The following ERC2 variants were observed in gnomAD, a reference collection of about 807,000 sequenced individuals.
ERC2 encodes the protein ELKS/RAB6-interacting/CAST family member 2.
In ERC2, 42 loss-of-function variants were observed where a neutral mutation model predicts 114.8. That is an observed-to-expected ratio of 0.37 (90% confidence interval 0.29 to 0.47). The LOEUF (loss-of-function observed/expected upper bound fraction) is 0.47, where lower values mean the gene tolerates loss of function less well. Ranked by LOEUF, ERC2 falls within the 20% of genes least tolerant of loss-of-function variation. ERC2 has a pLI of 0.99. For synonymous variants in ERC2, 454 were observed against 425.5 expected, an observed-to-expected ratio of 1.07 and a Z score of -0.82; for missense variants, 939 against 1,150.7, an observed-to-expected ratio of 0.82 and a Z score of 2.66.
chr3:56,008,382 T>C (rs1248584302), intron 9 of ERC2, among the ~76,000 whole-genome samples: 1 of 152,162 alleles, frequency 6.6e-6, no homozygotes, highest in Admixed American at 6.6e-5. Context: ...CTGAGCATCT[T>C]GTCAAAGATC....
intron 2 of ERC2, among the ~76,000 whole-genome samples, chr3:56,369,556 C>T (rs138088494): frequency 2.4e-3 from 368 of 152,342 alleles, no homozygotes; most frequent in Non-Finnish European, 3.7e-3. Context: ...TACTTGCTAC[C>T]TAGAGGAGAC....
intron 1 of ERC2, among the ~76,000 whole-genome samples, chr3:56,457,973 C>T (rs1052418743): frequency 2.0e-5 from 3 of 152,146 alleles, no homozygotes; most frequent in African/African-American, 7.2e-5. Context: ...TTTGGTGCTC[C>T]ACTGGATACT....
chr3:55,933,419 AT>A (rs1275045078), intron 13 of ERC2, among the ~76,000 whole-genome samples: 1 of 152,212 alleles, frequency 6.6e-6, no homozygotes, highest in African/African-American at 2.4e-5. Context: ...AGCAAACACA[AT>A]TCTTCAGCCA....
chr3:56,329,986 A>G (rs936526247), intron 2 of ERC2, among the ~76,000 whole-genome samples: 2 of 151,674 alleles, frequency 1.3e-5, no homozygotes, highest in African/African-American at 4.8e-5. Context: ...TTTCAAATAT[A>G]CATATATATT....
At chr3:55,799,678 T>G (rs974262770) in intron 14 of ERC2, among the ~76,000 whole-genome samples, 7 of 151,852 alleles carry the variant, frequency 4.6e-5, no homozygotes, top group African/African-American at 7.3e-5. Flanking sequence ...GTGCCATCTC[T>G]CCCATAGTAA....
At chr3:55,543,215 G>A (rs1381956133) in intron 17 of ERC2, among the ~76,000 whole-genome samples, 1 of 152,218 alleles carries the variant, frequency 6.6e-6, no homozygotes, top group African/African-American at 2.4e-5. Flanking sequence ...TGTCTCGGAT[G>A]GGGGCAGCAG....
chr3:55,857,872 C>G (rs1203726411), intron 14 of ERC2, among the ~76,000 whole-genome samples: 1 of 152,094 alleles, frequency 6.6e-6, no homozygotes, highest in Non-Finnish European at 1.5e-5. Context: ...GGTTGGGTAC[C>G]TCTTCACATC....
chr3:56,357,623 C>T (rs1002863024), intron 2 of ERC2, among the ~76,000 whole-genome samples: 2 of 151,828 alleles, frequency 1.3e-5, no homozygotes, highest in Non-Finnish European at 2.9e-5. Flanking sequence ...GTGGGTCTCA[C>T]AGACTGGCAG....
intron 14 of ERC2, among the ~76,000 whole-genome samples, chr3:55,869,772 A>G (rs1055037867): frequency 2.0e-5 from 3 of 152,186 alleles, no homozygotes; most frequent in Non-Finnish European, 2.9e-5. Context: ...GGCCAGATGC[A>G]GCACCCTCCC....
intron 12 of ERC2, among the ~76,000 whole-genome samples, chr3:55,957,135 C>A (rs775567856): frequency 6.6e-6 from 1 of 152,186 alleles, no homozygotes; most frequent in Non-Finnish European, 1.5e-5. Context: ...AGAAGTAGAA[C>A]GTCCTGGAGG....
chr3:55,997,880 G>GTTTTTTTTTTTT (rs869077498), intron 10 of ERC2, among the ~76,000 whole-genome samples: 3 of 44,788 alleles, frequency 6.7e-5, no homozygotes, highest in African/African-American at 8.8e-5. Flanking sequence ...TCTTAATTCT[G>GTTTTTTTTTTTT]TTTTTTTTTT....
At chr3:55,894,953 G>A (rs1265744604) in intron 13 of ERC2, among the ~76,000 whole-genome samples, 21 of 152,092 alleles carry the variant, frequency 1.4e-4, no homozygotes, top group Non-Finnish European at 1.5e-5. Context: ...ATTCACCAAT[G>A]CTCAACCACA....
chr3:56,460,964 C>CAAAAAAAA (rs35313545), intron 1 of ERC2, among the ~76,000 whole-genome samples: 41 of 98,162 alleles, frequency 4.2e-4, no homozygotes, highest in Admixed American at 8.0e-4. Flanking sequence ...ACTAAAAATA[C>CAAAAAAAA]AAAAAAAAAA....
At chr3:56,014,882 A>G (rs1176008006) in intron 8 of ERC2, among the ~76,000 whole-genome samples, 10 of 152,208 alleles carry the variant, frequency 6.6e-5, no homozygotes, top group Admixed American at 6.6e-4. Flanking sequence ...TGTTACAAAT[A>G]AAACTACTGC....
chr3:56,057,114 C>A (rs916774189), intron 7 of ERC2, among the ~76,000 whole-genome samples: 1 of 152,174 alleles, frequency 6.6e-6, no homozygotes, highest in African/African-American at 2.4e-5. Flanking sequence ...CACAAACACA[C>A]CATTAAACAA....
chr3:56,293,935 G>A (rs1446424206), intron 3 of ERC2, among the ~76,000 whole-genome samples: 1 of 152,198 alleles, frequency 6.6e-6, no homozygotes, highest in Non-Finnish European at 1.5e-5. Context: ...ACTCCACCCT[G>A]ACCACAAGAT....
intron 6 of ERC2, among the ~76,000 whole-genome samples, chr3:56,106,488 G>A (rs1259657191): frequency 1.3e-5 from 2 of 152,170 alleles, no homozygotes; most frequent in East Asian, 3.8e-4. Flanking sequence ...AGGGGGAGGG[G>A]CCTTTAACTT....
At chr3:56,316,335 C>T (rs2056859522) in intron 2 of ERC2, among the ~76,000 whole-genome samples, 1 of 152,184 alleles carries the variant, frequency 6.6e-6, no homozygotes, top group African/African-American at 2.4e-5. Context: ...GATGAGTTTA[C>T]AGTTTATAGT....
intron 14 of ERC2, among the ~76,000 whole-genome samples, chr3:55,840,743 A>C (rs1321289340): frequency 6.6e-6 from 1 of 152,188 alleles, no homozygotes; most frequent in African/African-American, 2.4e-5. Context: ...GTGCGGCAAC[A>C]AATGAACAGA....
Sources: allele counts gnomAD v4.1 joint callset (sites outside exome capture counted in the v4.1 genomes callset), GRCh38; gene constraint gnomAD v4.1.1; transcripts MANE v1.5; gene names NCBI Gene and HGNC (gene_info 2026-07-23, HGNC 2026-07-21).